ZC3H14: variants seen among roughly 807,000 people sequenced by gnomAD.
ZC3H14 encodes zinc finger CCCH domain-containing protein 14.
ZC3H14 carries 31 observed loss-of-function variants against 92.4 expected under a neutral mutation model. The ratio of observed to expected loss-of-function variants is 0.34; its 90% CI spans 0.25 to 0.45. The LOEUF is 0.45. ZC3H14 is among the 20% of genes least tolerant of loss of function. ZC3H14 has a pLI of 1.00. For missense variants in ZC3H14, 781 were observed against 897.3 expected, an observed-to-expected ratio of 0.87 and a Z score of 1.66; for synonymous variants, 321 against 300.9, an observed-to-expected ratio of 1.07 and a Z score of -0.69.
intron 9 of ZC3H14, among the ~76,000 whole-genome samples, chr14:88,587,715 G>T (rs1313587026): frequency 6.6e-6 from 1 of 152,166 alleles, no homozygotes; most frequent in Non-Finnish European, 1.5e-5. Context: ...GGAGGCTGAG[G>T]TGGGAGATTT....
In ZC3H14 at chr14:88,609,283, A is replaced by G. The variant is rs1368929040; in HGVS notation, c.1885A>G (p.Lys629Glu). ...ISPCKAFPNC[K>E]FAEKCLFVHP... ...GTTTTGTAGAGCCTTCCCCAATTGT[A>G]AATTTGCTGAAAAATGTTTGTTTGT... The change falls in exon 14 of 17, where the codon AAA (lysine) becomes GAA (glutamate). Residue 629 changes from lysine (K) to glutamate (E), a missense_variant. Around this residue, in one of 3 missense-constraint regions of ZC3H14, gnomAD observed 221 missense variants for 304.7 expected, o/e 0.73. Transcript: ENST00000251038. The G allele has an allele frequency of 2.5e-6, 4 of 1,613,892 alleles. No individual in the cohort carries two copies. The African/African-American group carries it at 4.0e-5, about 16-fold the overall frequency.
At position 88,621,220 on chromosome 14, in the gene ZC3H14, C is replaced by A. The variant is rs761720203; in HGVS notation, c.*9469C>A. The stretch of plus-strand genomic sequence containing the variant: ...CCCCAGATTGGCCCATCCACATGAC[C>A]GTTAACTAAAATATTACAAGCTGCA... On this transcript the variant is annotated 3_prime_UTR_variant, in exon 17 of 17. Transcript: ENST00000251038. 1 of 1,613,922 alleles carries A rather than the reference C, an allele frequency of 6.2e-7. No homozygotes were observed. The highest frequency in any genetic ancestry group is 8.5e-7 in the Non-Finnish European group (1 of 1,179,868).
Position 88,621,015 on chromosome 14 carries a change from A to G in ZC3H14, c.*9264A>G. 3 of 1,480,258 alleles carry G rather than the reference A, an allele frequency of 2.0e-6. No individual in the cohort carries two copies. Among genetic ancestry groups the G allele is most frequent in the Non-Finnish European group, 9.0e-7 (1 of 1,116,384 alleles). 91.7% of individuals were successfully genotyped at this position (1,480,258 alleles called of 1,614,324 possible). A position where few individuals can be genotyped will look rare whatever the true frequency, so the allele number is the denominator to read the frequency against. ...TACCAGTTTCCCCTCAAAATGCTCA[A>G]CAGAATTCTGGCAGTTCTTTAAGTA... On this transcript the variant is annotated 3_prime_UTR_variant, in exon 17 of 17. Coordinates refer to ENST00000251038, the MANE Select transcript of ZC3H14 (RefSeq NM_024824.5).
At chr14:88,568,567 G>A (rs1408162107) in intron 3 of ZC3H14, among the ~76,000 whole-genome samples, 1 of 152,090 alleles carries the variant, frequency 6.6e-6, no homozygotes, top group Non-Finnish European at 1.5e-5. Flanking sequence ...GAACATCATG[G>A]GGGAAACCAC....
In ZC3H14 at chr14:88,612,974, A is replaced by T. The variant is rs976161905; in HGVS notation, c.*1223A>T. 6 of 127,348 alleles carry T rather than the reference A, an allele frequency of 4.7e-5. No individual in the cohort carries two copies. The highest frequency in any genetic ancestry group is 1.8e-4 in the African/African-American group (6 of 34,134). The allele number at this position is 127,348 out of a possible 1,614,324, so 7.9% of individuals were successfully genotyped here. A position where few individuals can be genotyped will look rare whatever the true frequency, so the allele number is the denominator to read the frequency against. On this transcript the variant is annotated 3_prime_UTR_variant, in exon 17 of 17. Coordinates refer to ENST00000251038, the MANE Select transcript of ZC3H14 (RefSeq NM_024824.5). ...TGCAACATTCTCAGGACCAAATTAA[A>T]CTGCTAAAAAAAAAAAAAAAGTTCA...
In ZC3H14 at chr14:88,618,394, G is replaced by C; in HGVS notation, c.*6643G>C. On this transcript the variant is annotated 3_prime_UTR_variant, in exon 17 of 17. Transcript: ENST00000251038. ...AGGTGAGAGACAAAATCCACAGGGG[G>C]TTTACAGAATACTAGCATATTGCTA... The C allele has an allele frequency of 2.8e-6, 4 of 1,418,810 alleles. No individual in the cohort carries two copies. Among genetic ancestry groups the C allele is most frequent in the Non-Finnish European group, 4.0e-6 (4 of 1,010,512 alleles). 87.9% of individuals were successfully genotyped at this position (1,418,810 alleles called of 1,614,324 possible).
At chr14:88,574,957 G>C in intron 7 of ZC3H14, 104 bp downstream of exon 7, 1 of 1,537,884 alleles carries the variant, frequency 6.5e-7, no homozygotes, top group Non-Finnish European at 8.8e-7. Context: ...TGTTTTTTGA[G>C]ACGGAGTCTC....
At chr14:88,563,540 C>A in intron 1 of ZC3H14, 111 bp from the exon 2 acceptor site, 1 of 1,582,290 alleles carries the variant, frequency 6.3e-7, no homozygotes, top group Non-Finnish European at 8.6e-7. Context: ...AGCCCCCGCC[C>A]GGGGGATCCG....
chr14:88,621,534 T>A lies in ZC3H14; in HGVS notation c.*9783T>A. On this transcript the variant is annotated 3_prime_UTR_variant, in exon 17 of 17. Coordinates refer to ENST00000251038, the MANE Select transcript of ZC3H14 (RefSeq NM_024824.5). ...AGAGTCCATGCTACAGAATAGAACTTTTCTGTGGCAGTACACCTGGATTCT... is the reference window on the plus strand; with the variant it reads ...AGAGTCCATGCTACAGAATAGAACTATTCTGTGGCAGTACACCTGGATTCT... The A allele has an allele frequency of 1.8e-6, 1 of 550,112 alleles. No individual in the cohort carries two copies. The highest frequency in any genetic ancestry group is 3.2e-6 in the Non-Finnish European group (1 of 313,304). 34.1% of individuals were successfully genotyped at this position (550,112 alleles called of 1,614,324 possible).
In ZC3H14 at chr14:88,625,459, T is replaced by C. The variant is rs2089783821; in HGVS notation, c.*13708T>C. On this transcript the variant is annotated 3_prime_UTR_variant, in exon 17 of 17. Coordinates refer to ENST00000251038, the MANE Select transcript of ZC3H14 (RefSeq NM_024824.5). The stretch of plus-strand genomic sequence containing the variant: ...CTTTGTTGCCCAGGCTGGAGTGCAA[T>C]GGTGCGATCTCAGCTCACCACAACC... 1 of 198,202 alleles carries C rather than the reference T, an allele frequency of 5.0e-6. No individual in the cohort carries two copies. Among genetic ancestry groups the C allele is most frequent in the African/African-American group, 2.4e-5 (1 of 42,120 alleles). The allele number at this position is 198,202 out of a possible 1,614,324, so 12.3% of individuals were successfully genotyped here.
rs759609480 is a variant in ZC3H14, at chr14:88,603,057, A to C, written c.1744A>C (p.Asn582His). The C allele has an allele frequency of 9.3e-6, 15 of 1,614,128 alleles. No individual in the cohort carries two copies. The East Asian group carries it at 3.1e-4, about 34-fold the overall frequency. The change falls in exon 12 of 17, where the codon AAC (asparagine) becomes CAC (histidine). Residue 582 changes from asparagine (N) to histidine (H), a missense_variant. Transcript: ENST00000251038. ...TGAGGACCCAAATGGTAGCTTTTCT[A>C]ACGGTGTGTTGAGAGCTCAGATTTT... ...QLEDPNGSFS[N>H]AEMSELSVAQ...
chr14:88,573,537 G>A (rs1412529547), intron 6 of ZC3H14, among the ~76,000 whole-genome samples: 5 of 151,970 alleles, frequency 3.3e-5, no homozygotes, highest in African/African-American at 1.2e-4. Flanking sequence ...GGGTTCAAGC[G>A]ATTCTCCTGC....
At chr14:88,605,629 C>T (rs539561735) in intron 12 of ZC3H14, among the ~76,000 whole-genome samples, 1 of 152,342 alleles carries the variant, frequency 6.6e-6, no homozygotes, top group South Asian at 2.1e-4. Flanking sequence ...CCACCACATC[C>T]TATTTAAAGC....
intron 2 of ZC3H14, among the ~76,000 whole-genome samples, chr14:88,566,183 A>AT (rs923559246): frequency 3.3e-5 from 5 of 150,276 alleles, no homozygotes; most frequent in Admixed American, 2.0e-4. Flanking sequence ...CCTTGCCTAA[A>AT]TTTTTTTTTG....
chr14:88,563,114 T>C lies in ZC3H14; in HGVS notation c.-20T>C. On this transcript the variant is annotated 5_prime_UTR_variant, in exon 1 of 17. Transcript: ENST00000251038. ...AAGCCAAGCGCCGCGCAGTGCTGAGTTCCCGCACGCCGCAGAGCCATGGAG... is the reference window on the plus strand; with the variant it reads ...AAGCCAAGCGCCGCGCAGTGCTGAGCTCCCGCACGCCGCAGAGCCATGGAG... The C allele has an allele frequency of 6.3e-7, 1 of 1,583,480 alleles. No individual in the cohort carries two copies. The highest frequency in any genetic ancestry group is 1.1e-5 in the South Asian group (1 of 87,444).
At chr14:88,600,441 CTT>C (rs201793653) in intron 10 of ZC3H14, among the ~76,000 whole-genome samples, 23 of 143,210 alleles carry the variant, frequency 1.6e-4, no homozygotes, top group Admixed American at 2.1e-4. Context: ...TTTCTTTTCT[CTT>C]TTTTTTTTTT....
chr14:88,577,583 T>C (rs1281146634), intron 8 of ZC3H14, among the ~76,000 whole-genome samples: 2 of 152,074 alleles, frequency 1.3e-5, no homozygotes, highest in Non-Finnish European at 2.9e-5. Flanking sequence ...TCTTTTTTTT[T>C]TGGAGACAGA....
intron 6 of ZC3H14, among the ~76,000 whole-genome samples, chr14:88,573,296 C>T (rs1026336672): frequency 3.3e-5 from 5 of 151,858 alleles, no homozygotes; most frequent in Non-Finnish European, 5.9e-5. Context: ...AGGAGAATGG[C>T]GTGAACCTGG....
intron 2 of ZC3H14, among the ~76,000 whole-genome samples, chr14:88,564,375 A>G (rs2079290685): frequency 6.6e-6 from 1 of 152,204 alleles, no homozygotes; most frequent in African/African-American, 2.4e-5. Context: ...TCCCTACGAG[A>G]ATCCTGGAAG....
Sources: gnomAD v4.1 joint callset for allele counts (sites outside exome capture counted in the v4.1 genomes callset) on GRCh38, gnomAD v4.1.1 for gene constraint, gnomAD v4.1.1 regional missense constraint, MANE v1.5 for transcripts, NCBI Gene and HGNC (gene_info 2026-07-23, HGNC 2026-07-21) for gene names.